The following CDH18 variants were observed in gnomAD, a reference collection of about 807,000 sequenced individuals.
CDH18 encodes the protein cadherin 18.
A neutral mutation model predicts 67.9 loss-of-function variants in CDH18; 31 were observed. The observed-to-expected ratio is 0.46, with a 90% CI of 0.34 to 0.62. The LOEUF (loss-of-function observed/expected upper bound fraction) is 0.62. CDH18 is among the 20% of genes least tolerant of loss of function. The pLI, the probability that CDH18 is intolerant of heterozygous loss-of-function variation, is 0.01. For missense variants in CDH18, 890 were observed against 975.5 expected, an observed-to-expected ratio of 0.91 and a Z score of 1.17; for synonymous variants, 362 against 347.2, an observed-to-expected ratio of 1.04 and a Z score of -0.48.
intron 4 of CDH18, among the ~76,000 whole-genome samples, chr5:19,724,573 C>T (rs77473311): frequency 0.018 from 2,747 of 151,624 alleles, 72 homozygotes; most frequent in African/African-American, 0.062. Flanking sequence ...GGAAACCTAA[C>T]GACAATCAGT....
intron 1 of CDH18, among the ~76,000 whole-genome samples, chr5:20,421,120 C>T (rs1454234495): frequency 5.3e-5 from 8 of 150,984 alleles, no homozygotes. Context: ...AATGCTGTCA[C>T]CAAGAACTCA....
intron 2 of CDH18, among the ~76,000 whole-genome samples, chr5:20,215,760 G>A (rs1474266876): frequency 1.3e-5 from 2 of 151,976 alleles, no homozygotes; most frequent in Non-Finnish European, 2.9e-5. Context: ...TAAAGAAAAT[G>A]TGGTACATGT....
At chr5:20,164,505 C>T (rs1480663321) in intron 2 of CDH18, among the ~76,000 whole-genome samples, 1 of 121,016 alleles carries the variant, frequency 8.3e-6, no homozygotes, top group Admixed American at 8.5e-5. Flanking sequence ...GAACTCCTGA[C>T]CTCAGGTGAT....
Position 19,878,658 on chromosome 5 carries a change from G to A in CDH18, c.-256-39416C>T, listed in dbSNP as rs557910917. On this transcript the variant is annotated intron_variant, in intron 2 of 12. Transcript: ENST00000382275. The stretch of plus-strand genomic sequence containing the variant: ...ATTATTCAAATAGGGAGGTATCACA[G>A]AGGTTTATCTTATCCATGAAAAAAA... Among the ~76,000 whole-genome samples, 6 of 151,998 alleles carry A rather than the reference G, an allele frequency of 3.9e-5. No individual in the cohort carries two copies. In the East Asian group the frequency reaches 1.2e-3, roughly 29 times the overall value.
intron 11 of CDH18, among the ~76,000 whole-genome samples, chr5:19,502,319 C>T (rs1442488436): frequency 6.6e-6 from 1 of 151,988 alleles, no homozygotes; most frequent in Admixed American, 6.6e-5. Flanking sequence ...CTGCACATAC[C>T]ATATGGCTTA....
At chr5:20,289,494 G>A (rs1746943651) in intron 1 of CDH18, among the ~76,000 whole-genome samples, 1 of 151,786 alleles carries the variant, frequency 6.6e-6, no homozygotes, top group Admixed American at 6.6e-5. Context: ...TGTGTCTGAT[G>A]GGTTATGTAT....
chr5:19,672,053 T>C (rs1758823074), intron 5 of CDH18, among the ~76,000 whole-genome samples: 1 of 152,146 alleles, frequency 6.6e-6, no homozygotes, highest in African/African-American at 2.4e-5. Flanking sequence ...CAATATGTTG[T>C]TTTTGAAAAT....
chr5:20,156,045 CCT>C (rs1336743333), intron 2 of CDH18, among the ~76,000 whole-genome samples: 3 of 152,188 alleles, frequency 2.0e-5, no homozygotes, highest in African/African-American at 4.8e-5. Flanking sequence ...CCACCTCACC[CCT>C]GTCAGAATGG....
chr5:19,767,421 A>G (rs892982178), intron 3 of CDH18, among the ~76,000 whole-genome samples: 2 of 152,116 alleles, frequency 1.3e-5, no homozygotes, highest in Admixed American at 6.6e-5. Context: ...GGAAATAAGC[A>G]AAGGAAATAG....
At chr5:19,476,652 T>C (rs1202910283) in intron 12 of CDH18, among the ~76,000 whole-genome samples, 11 of 152,060 alleles carry the variant, frequency 7.2e-5, no homozygotes, top group Admixed American at 7.2e-4. Context: ...CTGTTCTAGA[T>C]CGAAAGACCT....
At chr5:19,704,529 G>A (rs781755217) in intron 5 of CDH18, among the ~76,000 whole-genome samples, 17 of 152,210 alleles carry the variant, frequency 1.1e-4, no homozygotes, top group Non-Finnish European at 2.1e-4. Context: ...GGTATGGGAC[G>A]AGGAAAAAAA....
intron 6 of CDH18, among the ~76,000 whole-genome samples, chr5:19,606,052 C>G (rs1217066721): frequency 6.6e-6 from 1 of 151,926 alleles, no homozygotes; most frequent in African/African-American, 2.4e-5. Context: ...ACTGGAGAGT[C>G]AGAAATTGGT....
chr5:19,645,142 C>T (rs1397536603), intron 5 of CDH18, among the ~76,000 whole-genome samples: 1 of 152,174 alleles, frequency 6.6e-6, no homozygotes, highest in East Asian at 1.9e-4. Context: ...TTATCCAATA[C>T]TGCTGTTGCT....
At chr5:19,893,576 C>A (rs1387593146) in intron 2 of CDH18, among the ~76,000 whole-genome samples, 2 of 152,110 alleles carry the variant, frequency 1.3e-5, no homozygotes, top group African/African-American at 4.8e-5. Flanking sequence ...CATTCATTTT[C>A]TCTCTCTTTC....
In CDH18 at chr5:20,555,828, GTTC is replaced by G. The variant is rs1757876121; in HGVS notation, c.-580+19631_-580+19633del. Among the ~76,000 whole-genome samples, 3 of 142,620 alleles carry G rather than the reference GTTC, an allele frequency of 2.1e-5. No individual in the cohort carries two copies. The South Asian group carries it at 6.7e-4, about 32-fold the overall frequency. The allele number at this position is 142,620 out of a possible 152,430, so 93.6% of individuals were successfully genotyped here. A position where few individuals can be genotyped will look rare whatever the true frequency, so the allele number is the denominator to read the frequency against. ...ATTCTTTCTCATCCTATTTTACTTT[GTTC>G]TTCTTAAAAATTCCCAGAGGTATTT... is the stretch of plus-strand genomic sequence containing the variant. On this transcript the variant is annotated intron_variant, in intron 1 of 14. Transcript: ENST00000507958.
chr5:20,074,670 C>T (rs1034553203), intron 2 of CDH18, among the ~76,000 whole-genome samples: 2 of 151,766 alleles, frequency 1.3e-5, no homozygotes, highest in Non-Finnish European at 2.9e-5. Context: ...ATATGAATGA[C>T]CTTACAATCA....
intron 1 of CDH18, among the ~76,000 whole-genome samples, chr5:20,361,362 T>C (rs1271825911): frequency 6.6e-6 from 1 of 151,994 alleles, no homozygotes; most frequent in East Asian, 1.9e-4. Context: ...CATTTTATAC[T>C]AAAAAAAGAT....
chr5:19,751,470 T>C (rs971935072), intron 3 of CDH18, among the ~76,000 whole-genome samples: 3 of 152,216 alleles, frequency 2.0e-5, no homozygotes, highest in Non-Finnish European at 4.4e-5. Context: ...TCCACTATGA[T>C]TGATCATTAT....
intron 1 of CDH18, among the ~76,000 whole-genome samples, chr5:20,288,102 T>G (rs965326708): frequency 1.1e-4 from 17 of 151,608 alleles, no homozygotes; most frequent in African/African-American, 3.9e-4. Context: ...GTGGACCAAA[T>G]GCCATGCAAC....
Sources: gnomAD v4.1 joint callset for allele counts (sites outside exome capture counted in the v4.1 genomes callset) on GRCh38, gnomAD v4.1.1 for gene constraint, MANE v1.5 for transcripts, NCBI Gene and HGNC (gene_info 2026-07-23, HGNC 2026-07-21) for gene names.